The following ATP9B variants were observed in gnomAD, a reference collection of about 807,000 sequenced individuals.
ATP9B encodes the protein probable phospholipid-transporting ATPase IIB.
Under a neutral mutation model 146.1 loss-of-function variants are expected in ATP9B, and 110 were observed. The ratio of observed to expected loss-of-function variants is 0.75; its 90% confidence interval spans 0.65 to 0.88. The LOEUF (loss-of-function observed/expected upper bound fraction) is 0.88. ATP9B is among the 40% of genes least tolerant of loss of function. The pLI is 0.00. For missense variants in ATP9B, 1,499 were observed against 1,496.4 expected (o/e 1.00, Z -0.03); for synonymous variants, 604 against 569.7 (o/e 1.06, Z -0.86).
intron 1 of ATP9B, among the ~76,000 whole-genome samples, chr18:79,094,819 A>G (rs2074651821): frequency 6.6e-6 from 1 of 152,222 alleles, no homozygotes; most frequent in South Asian, 2.1e-4. Context: ...AGCCCCATCA[A>G]CTGGAGGTCT....
At chr18:79,245,783 C>CACCACCCTACTGACTGAGGAGGGT (rs71161764) in intron 11 of ATP9B, among the ~76,000 whole-genome samples, 25,462 of 103,894 alleles carry the variant, frequency 0.25, 5,300 homozygotes, top group Non-Finnish European at 0.32. Flanking sequence ...CTGAGGAGGG[C>CACCACCCTACTGACTGAGGAGGGT]ACCACCCTAC....
chr18:79,148,707 C>G (rs537155809), intron 6 of ATP9B, among the ~76,000 whole-genome samples: 1 of 152,244 alleles, frequency 6.6e-6, no homozygotes, highest in South Asian at 2.1e-4. Context: ...CACTTCTAGT[C>G]TGTAAGGCAA....
At chr18:79,263,323 C>T (rs776875885) in intron 12 of ATP9B, among the ~76,000 whole-genome samples, 32 of 152,258 alleles carry the variant, frequency 2.1e-4, no homozygotes, top group Middle Eastern at 3.4e-3. Flanking sequence ...AAAACCTACC[C>T]GTGGGACAAG....
intron 5 of ATP9B, among the ~76,000 whole-genome samples, chr18:79,132,784 G>A (rs1453220278): frequency 6.6e-6 from 1 of 152,134 alleles, no homozygotes; most frequent in Non-Finnish European, 1.5e-5. Context: ...ACAACATTTG[G>A]ACTGTGTCAT....
In ATP9B at chr18:79,096,649, G is replaced by C; in HGVS notation, c.293G>C (p.Ser98Thr). Reference sequence around the variant, plus strand: ...GATGGCTGGAAGTTCCTCTGTACCAGGTTTGTTATCCATTGCTACCTAATT... The same window carrying C: ...GATGGCTGGAAGTTCCTCTGTACCACGTTTGTTATCCATTGCTACCTAATT... ...VCDGWKFLCTSCCGWLINICR... is the reference protein window; with the variant it reads ...VCDGWKFLCTTCCGWLINICR... The change falls in exon 2 of 30, where the codon AGT becomes ACT. Residue 98 changes from serine (S) to threonine (T), a missense_variant and splice_region_variant. By Grantham distance (58) the Ser-to-Thr change is moderately conservative. Coordinates refer to ENST00000426216, the MANE Select transcript of ATP9B (RefSeq NM_198531.5). 2 of 1,610,094 alleles carry C rather than the reference G, an allele frequency of 1.2e-6. No homozygotes were observed. The highest frequency in any genetic ancestry group is 1.1e-5 in the South Asian group (1 of 90,568).
rs2097110419 is a variant in ATP9B, at chr18:79,377,904, C to G, written c.*521C>G. The G allele has an allele frequency of 6.5e-6, 1 of 153,778 alleles. No homozygotes were observed. The highest frequency in any genetic ancestry group is 1.4e-5 in the Non-Finnish European group (1 of 69,168). The allele number at this position is 153,778 out of a possible 1,614,324, so 9.5% of individuals were successfully genotyped here. On this transcript the variant is annotated 3_prime_UTR_variant, in exon 30 of 30. Transcript: ENST00000426216. ...TCTTAAGTGTGGGGCCTCACCCCTGCTTTTCTTTCTTTTTTTGTATTGTCA... is the reference window on the plus strand; with the variant it reads ...TCTTAAGTGTGGGGCCTCACCCCTGGTTTTCTTTCTTTTTTTGTATTGTCA...
chr18:79,096,043 C>T (rs1016594369), intron 1 of ATP9B, among the ~76,000 whole-genome samples: 1 of 152,192 alleles, frequency 6.6e-6, no homozygotes, highest in African/African-American at 2.4e-5. Flanking sequence ...TGTCGAAAGT[C>T]ACTTCTAGAA....
rs1206079538 is a variant in ATP9B at position 79,372,951 on chromosome 18, T to C, written c.3070+69T>C. 5 of 1,125,958 alleles carry C rather than the reference T, an allele frequency of 4.4e-6. No homozygotes were observed. The Admixed American group carries it at 5.5e-5, about 12-fold the overall frequency. 69.7% of individuals were successfully genotyped at this position (1,125,958 alleles called of 1,614,324 possible). On this transcript the variant is annotated intron_variant, in intron 27 of 29. Transcript: ENST00000426216. ...TTTGGTCTTTTTGTTAGCAATATTGTTTTTACTTGCAGATTAAATTCCAAC... is the reference window on the plus strand; with the variant it reads ...TTTGGTCTTTTTGTTAGCAATATTGCTTTTACTTGCAGATTAAATTCCAAC...
At chr18:79,193,008 G>T (rs547615424) in intron 8 of ATP9B, among the ~76,000 whole-genome samples, 175 bp from the exon 9 acceptor site, 1 of 152,242 alleles carries the variant, frequency 6.6e-6, no homozygotes, top group Admixed American at 6.5e-5. Flanking sequence ...CTTAAAAATG[G>T]TTTCTTTCTT....
intron 12 of ATP9B, among the ~76,000 whole-genome samples, chr18:79,270,096 TA>T (rs2096241162): frequency 1.3e-5 from 2 of 152,246 alleles, no homozygotes; most frequent in Non-Finnish European, 2.9e-5. Flanking sequence ...CCTTTCTTCT[TA>T]GCCTTTTGGA....
At chr18:79,202,442 G>A (rs2095497454) in intron 9 of ATP9B, among the ~76,000 whole-genome samples, 1 of 152,188 alleles carries the variant, frequency 6.6e-6, no homozygotes, top group African/African-American at 2.4e-5. Context: ...CACTTACATT[G>A]TTCATGTCTT....
At chr18:79,132,198 A>G (rs2147264625) in intron 5 of ATP9B, among the ~76,000 whole-genome samples, 1 of 152,364 alleles carries the variant, frequency 6.6e-6, no homozygotes, top group Non-Finnish European at 1.5e-5. Context: ...AACTTCAGGT[A>G]CTTTAAAAAT....
Position 79,349,894 on chromosome 18 carries a change from A to AC in ATP9B, c.2903+1709dup, listed in dbSNP as rs33953089. On this transcript the variant is annotated intron_variant, in intron 25 of 29. Transcript: ENST00000426216. ...TCCTTGCTTCCCTGGGAGGCCCCGC[A>AC]CCCCCCCCCCCACCATGCACCTTCA... 9.5e-3 allele frequency among the ~76,000 whole-genome samples: 1,085 copies of AC among 114,722 alleles called. 6 individuals are homozygous for AC. Among genetic ancestry groups the AC allele is most frequent in the African/African-American group, 0.014 (454 of 31,736 alleles). The allele number at this position is 114,722 out of a possible 152,430, so 75.3% of individuals were successfully genotyped here.
At chr18:79,204,024 T>C (rs565677908) in intron 9 of ATP9B, among the ~76,000 whole-genome samples, 4 of 152,362 alleles carry the variant, frequency 2.6e-5, no homozygotes, top group African/African-American at 7.2e-5. Context: ...TTGCTTTTTC[T>C]TTAAAGTTGA....
At chr18:79,213,162 T>C (rs1239189395) in intron 10 of ATP9B, among the ~76,000 whole-genome samples, 1 of 152,146 alleles carries the variant, frequency 6.6e-6, no homozygotes, top group East Asian at 1.9e-4. Flanking sequence ...GCACATTATG[T>C]GTATATACTT....
intron 4 of ATP9B, among the ~76,000 whole-genome samples, chr18:79,118,920 G>T (rs989703968): frequency 6.6e-6 from 1 of 151,878 alleles, no homozygotes; most frequent in African/African-American, 2.4e-5. Flanking sequence ...AAAATAGAAA[G>T]ATTAATTGTG....
At chr18:79,278,480 G>T (rs304936) in intron 13 of ATP9B, among the ~76,000 whole-genome samples, 9,172 of 152,258 alleles carry the variant, frequency 0.06, 390 homozygotes, top group Non-Finnish European at 0.091. Flanking sequence ...AGTTAAGGTA[G>T]ACAGGGCTAG....
chr18:79,277,417 TA>T (rs1341319870), intron 13 of ATP9B: 3 of 473,014 alleles, frequency 6.3e-6, no homozygotes, highest in African/African-American at 5.7e-5. Context: ...ATCAAAATGT[TA>T]AGTTCTTAGA....
At chr18:79,323,250 T>C (rs546588699) in intron 15 of ATP9B, among the ~76,000 whole-genome samples, 7 of 150,078 alleles carry the variant, frequency 4.7e-5, no homozygotes, top group African/African-American at 1.5e-4. Context: ...CGTTGCTTCG[T>C]GTTAGTAATC....
Sources: allele counts gnomAD v4.1 joint callset (sites outside exome capture counted in the v4.1 genomes callset), GRCh38; gene constraint gnomAD v4.1.1; transcripts MANE v1.5; gene names NCBI Gene and HGNC (gene_info 2026-07-23, HGNC 2026-07-21).